RBL1: variants seen among roughly 807,000 people sequenced by gnomAD.
RBL1 encodes RB transcriptional corepressor like 1, also known as retinoblastoma-like protein 1.
A neutral mutation model predicts 123.0 loss-of-function variants in RBL1; 82 were observed. The observed-to-expected ratio is 0.67, with a 90% CI of 0.56 to 0.80. RBL1 has a LOEUF of 0.80. Among genes scored for constraint, RBL1 ranks in the 30% least tolerant of loss-of-function variants. RBL1 has a pLI of 0.00. For synonymous variants in RBL1, 405 were observed against 441.3 expected (o/e 0.92, Z 1.03); for missense variants, 1,171 against 1,299.6 (o/e 0.90, Z 1.52).
chr20:37,086,994 A>T (rs2065556880), intron 2 of RBL1, among the ~76,000 whole-genome samples: 2 of 152,210 alleles, frequency 1.3e-5, no homozygotes, highest in Admixed American at 1.3e-4. Context: ...ACCTGCATCT[A>T]ATCAAAAGTT....
At chr20:37,025,900 G>A (rs894427067) in intron 16 of RBL1, among the ~76,000 whole-genome samples, 51 of 151,980 alleles carry the variant, frequency 3.4e-4, no homozygotes, top group African/African-American at 1.2e-3. Context: ...CTGCTACCAT[G>A]CCTGGGTAAT....
intron 12 of RBL1, among the ~76,000 whole-genome samples, chr20:37,045,776 C>G (rs2064810025): frequency 6.6e-6 from 1 of 152,152 alleles, no homozygotes; most frequent in South Asian, 2.1e-4. Flanking sequence ...TTTAATCACA[C>G]TCAGTAATTC....
chr20:37,002,151 G>A (rs1048955855), intron 21 of RBL1, among the ~76,000 whole-genome samples: 3 of 151,674 alleles, frequency 2.0e-5, no homozygotes, highest in Non-Finnish European at 4.4e-5. Context: ...TCCTGCCTCA[G>A]CCTCCCTAGC....
chr20:37,094,093 G>A (rs2065691094), intron 1 of RBL1, among the ~76,000 whole-genome samples: 1 of 152,184 alleles, frequency 6.6e-6, no homozygotes, highest in African/African-American at 2.4e-5. Flanking sequence ...CAGGCAGAGG[G>A]AATGGCATGG....
intron 8 of RBL1, 62 bp downstream of exon 8, chr20:37,062,022 G>GT: frequency 6.9e-7 from 1 of 1,450,096 alleles, no homozygotes; most frequent in Non-Finnish European, 9.2e-7. Flanking sequence ...TCTGCTGTTA[G>GT]TAGAATCACA....
At chr20:37,082,746 C>T (rs2065472773) in intron 2 of RBL1, among the ~76,000 whole-genome samples, 1 of 152,082 alleles carries the variant, frequency 6.6e-6, no homozygotes, top group Non-Finnish European at 1.5e-5. Flanking sequence ...CCTGTAATCC[C>T]TGCACTTTGG....
At chr20:37,067,430 T>C (rs2065196415) in intron 3 of RBL1, 133 bp from the exon 4 acceptor site, 1 of 754,870 alleles carries the variant, frequency 1.3e-6, no homozygotes, top group South Asian at 2.0e-5. Flanking sequence ...TAATCTATTA[T>C]TTATGAAATG....
chr20:37,084,694 T>C (rs1186831502), intron 2 of RBL1, among the ~76,000 whole-genome samples: 1 of 151,936 alleles, frequency 6.6e-6, no homozygotes, highest in Non-Finnish European at 1.5e-5. Context: ...CAAGACTCTG[T>C]CTCAAACAAA....
rs1316373776 is a variant in RBL1 at position 37,068,057 on chromosome 20, C to T, written c.420G>A (p.Glu140=). ...TTTGAAATATATCTAAAAAAATTGGCTCATATTTTTTGAATATTACAGTAG... is the reference window on the plus strand; with the variant it reads ...TTTGAAATATATCTAAAAAAATTGGTTCATATTTTTTGAATATTACAGTAG... ...EVSTVIFKKY[E]PIFLDIFQNP... is the part of the protein sequence containing the mutation. The change falls in exon 3 of 22, where the codon GAG becomes GAA. Residue 140 remains glutamate (E), a synonymous_variant. Coordinates refer to ENST00000373664, the MANE Select transcript of RBL1 (RefSeq NM_002895.5). 3.7e-6 allele frequency: 6 copies of T among 1,613,262 alleles called. No individual in the cohort carries two copies. The highest frequency in any genetic ancestry group is 1.7e-5 in the Admixed American group (1 of 59,858).
At chr20:37,090,719 C>G (rs868846721) in intron 1 of RBL1, among the ~76,000 whole-genome samples, 5 of 152,230 alleles carry the variant, frequency 3.3e-5, no homozygotes, top group Middle Eastern at 6.8e-3. Flanking sequence ...TAAACCTAGG[C>G]TATATGGTAT....
chr20:37,045,432 A>G (rs917771608), intron 12 of RBL1, among the ~76,000 whole-genome samples: 1 of 151,850 alleles, frequency 6.6e-6, no homozygotes, highest in African/African-American at 2.4e-5. Context: ...ATTTTCTTCA[A>G]TGAGCACATA....
chr20:37,019,803 C>T (rs16986413), intron 18 of RBL1, among the ~76,000 whole-genome samples: 1,550 of 152,204 alleles, frequency 0.01, 13 homozygotes, highest in Non-Finnish European at 0.017. Flanking sequence ...TTGTGTTCTT[C>T]AGGTACAATA....
intron 19 of RBL1, among the ~76,000 whole-genome samples, chr20:37,014,172 G>A (rs2064212741): frequency 6.6e-6 from 1 of 151,260 alleles, no homozygotes; most frequent in South Asian, 2.1e-4. Flanking sequence ...TGACATCCTG[G>A]GCTCAAGCCA....
In RBL1 at chr20:37,065,006, A is replaced by G. The variant is rs1420243313; in HGVS notation, c.896+418T>C. Among the ~76,000 whole-genome samples the G allele has an allele frequency of 2.0e-5, 3 of 148,868 alleles. No homozygotes were observed. In the East Asian group the frequency reaches 5.9e-4, roughly 29 times the overall value. On this transcript the variant is annotated intron_variant, in intron 7 of 21. Transcript: ENST00000373664. ...AAGTGCAGTGGTGCAATCACGGCTC[A>G]CTGCAACCACAACCTCCCAGATTCA...
intron 2 of RBL1, among the ~76,000 whole-genome samples, chr20:37,078,218 A>ATG (rs1481915500): frequency 6.6e-6 from 1 of 152,150 alleles, no homozygotes; most frequent in Non-Finnish European, 1.5e-5. Context: ...TTTAGGTGGT[A>ATG]TGTGCCATGT....
At chr20:37,021,894 G>C (rs140002352) in intron 17 of RBL1, 2 of 167,274 alleles carry the variant, frequency 1.2e-5, no homozygotes, top group Admixed American at 1.2e-4. Flanking sequence ...GAACATAGTC[G>C]GTGCTTTTTT....
At chr20:37,061,332 T>C (rs2065090814) in intron 8 of RBL1, 63 bp from the exon 9 acceptor site, 2 of 1,566,454 alleles carry the variant, frequency 1.3e-6, no homozygotes, top group East Asian at 4.5e-5. Flanking sequence ...ATGTGTTTAA[T>C]TCAGTGCATA....
intron 8 of RBL1, among the ~76,000 whole-genome samples, chr20:37,061,728 CAT>C (rs1231123869): frequency 6.6e-6 from 1 of 152,142 alleles, no homozygotes; most frequent in Non-Finnish European, 1.5e-5. Context: ...CAGAAAAACA[CAT>C]AGTTTGTGTC....
chr20:37,055,309 G>GAAA (rs59560599), intron 11 of RBL1, among the ~76,000 whole-genome samples: 60 of 83,778 alleles, frequency 7.2e-4, no homozygotes, highest in African/African-American at 1.0e-3. Flanking sequence ...ATGAAGGACA[G>GAAA]AAAAAAAAAA....
Sources: allele counts gnomAD v4.1 joint callset (sites outside exome capture counted in the v4.1 genomes callset), GRCh38; gene constraint gnomAD v4.1.1; transcripts MANE v1.5; gene names NCBI Gene and HGNC (gene_info 2026-07-23, HGNC 2026-07-21).